The following WWC2 variants were observed in gnomAD, a reference collection of about 807,000 sequenced individuals.
The protein encoded by WWC2 is WW and C2 domain containing 2, also known as protein WWC2.
Under a neutral mutation model 138.5 loss-of-function variants are expected in WWC2, and 101 were observed. The observed-to-expected ratio is 0.73, with a 90% CI of 0.62 to 0.86. The LOEUF (loss-of-function observed/expected upper bound fraction) is 0.86. Ranked by LOEUF, WWC2 falls within the 40% of genes least tolerant of loss-of-function variation. The pLI, the probability that WWC2 is intolerant of heterozygous loss-of-function variation, is 0.00. For missense variants in WWC2, 1,420 were observed against 1,419.4 expected (o/e 1.00, Z -0.01); for synonymous variants, 558 against 538.4 (o/e 1.04, Z -0.50).
At chr4:183,105,336 G>T (rs191815923) in intron 1 of WWC2, among the ~76,000 whole-genome samples, 1 of 152,206 alleles carries the variant, frequency 6.6e-6, no homozygotes, top group Admixed American at 6.5e-5. Context: ...GAAGTTGTCT[G>T]TTGGCCCACA....
chr4:183,114,359 T>A (rs1732344700), intron 1 of WWC2, among the ~76,000 whole-genome samples: 1 of 152,162 alleles, frequency 6.6e-6, no homozygotes, highest in Non-Finnish European at 1.5e-5. Flanking sequence ...CTCTTTTCCT[T>A]ATAAATTACC....
intron 1 of WWC2, among the ~76,000 whole-genome samples, chr4:183,130,541 C>A (rs1308343524): frequency 1.3e-5 from 2 of 152,150 alleles, no homozygotes; most frequent in Non-Finnish European, 2.9e-5. Flanking sequence ...GTACTTGATT[C>A]TTTGGTACCT....
chr4:183,279,831 A>AT (rs1388811145), intron 16 of WWC2, among the ~76,000 whole-genome samples: 3 of 151,602 alleles, frequency 2.0e-5, no homozygotes, highest in Admixed American at 2.0e-4. Flanking sequence ...TTTTTCTTTG[A>AT]TTTTTCAGCA....
At chr4:183,282,340 T>G (rs1738102173) in intron 17 of WWC2, among the ~76,000 whole-genome samples, 1 of 152,232 alleles carries the variant, frequency 6.6e-6, no homozygotes, top group African/African-American at 2.4e-5. Context: ...TGTCATATGA[T>G]TAATTTTACA....
intron 2 of WWC2, chr4:183,203,622 G>C (rs950726708): frequency 1.3e-5 from 2 of 151,984 alleles, no homozygotes; most frequent in African/African-American, 2.4e-5. Flanking sequence ...TGACATCAAG[G>C]GCTTAAAATC....
intron 5 of WWC2, among the ~76,000 whole-genome samples, chr4:183,245,004 C>G (rs916906019): frequency 1.3e-4 from 19 of 151,958 alleles, no homozygotes; most frequent in African/African-American, 4.4e-4. Flanking sequence ...GGGGCTGAGA[C>G]GTGCGGATCA....
intron 1 of WWC2, among the ~76,000 whole-genome samples, chr4:183,175,367 T>A (rs1416929243): frequency 1.3e-5 from 2 of 152,144 alleles, no homozygotes; most frequent in Admixed American, 1.3e-4. Context: ...GCTCAGGTGA[T>A]CCTCCCACCT....
chr4:183,292,811 G>C (rs540341538), intron 21 of WWC2, among the ~76,000 whole-genome samples: 18 of 152,218 alleles, frequency 1.2e-4, no homozygotes, highest in African/African-American at 4.1e-4. Flanking sequence ...TCTATCAAAA[G>C]GAAAATCGCA....
chr4:183,146,630 T>C (rs1313778860), intron 1 of WWC2, among the ~76,000 whole-genome samples: 1 of 152,186 alleles, frequency 6.6e-6, no homozygotes, highest in Non-Finnish European at 1.5e-5. Context: ...GGCCTGCTCA[T>C]GTGCGCAGCG....
chr4:183,278,659 A>G (rs1173158503), intron 16 of WWC2, among the ~76,000 whole-genome samples: 1 of 152,016 alleles, frequency 6.6e-6, no homozygotes, highest in African/African-American at 2.4e-5. Flanking sequence ...TTCCTTGAGC[A>G]GTGGTTTGTA....
intron 8 of WWC2, 130 bp from the exon 9 acceptor site, chr4:183,253,627 C>A: frequency 1.8e-6 from 2 of 1,110,294 alleles, no homozygotes; most frequent in Non-Finnish European, 2.5e-6. Flanking sequence ...CAGTAGACCA[C>A]ACCTCTTTCT....
At chr4:183,197,498 A>G (rs996468013) in intron 2 of WWC2, among the ~76,000 whole-genome samples, 26 of 152,260 alleles carry the variant, frequency 1.7e-4, no homozygotes, top group Non-Finnish European at 4.4e-5. Flanking sequence ...AAGAAACACT[A>G]TTGAATATTT....
intron 2 of WWC2, among the ~76,000 whole-genome samples, chr4:183,202,639 T>C (rs1735333777): frequency 6.6e-6 from 1 of 152,128 alleles, no homozygotes; most frequent in African/African-American, 2.4e-5. Context: ...TACAAGTCTC[T>C]TTTTTCTCCG....
At chr4:183,130,206 CCA>C (rs757866870) in intron 1 of WWC2, among the ~76,000 whole-genome samples, 79 of 152,168 alleles carry the variant, frequency 5.2e-4, no homozygotes, top group Middle Eastern at 3.4e-3. Flanking sequence ...GCGCCCGCCA[CCA>C]CGCCCTGCTA....
rs1368266986 is a variant in WWC2 at position 183,319,002 on chromosome 4, G to C, written c.*3273G>C. 1 of 152,846 alleles carries C rather than the reference G, an allele frequency of 6.5e-6. No individual in the cohort carries two copies. The highest frequency in any genetic ancestry group is 6.5e-5 in the Admixed American group (1 of 15,368). The allele number at this position is 152,846 out of a possible 1,614,324, so 9.5% of individuals were successfully genotyped here. On this transcript the variant is annotated 3_prime_UTR_variant, in exon 23 of 23. Transcript: ENST00000403733. ...CCTCCTGCCTCTGACAGTATAGAAG[G>C]CGTGACTGAATGTGGCTGCCTTTTG...
chr4:183,128,769 C>T (rs1021149611), intron 1 of WWC2, among the ~76,000 whole-genome samples: 1 of 152,182 alleles, frequency 6.6e-6, no homozygotes, highest in African/African-American at 2.4e-5. Context: ...TGTCCTTGTC[C>T]TCCAACTGTT....
intron 1 of WWC2, among the ~76,000 whole-genome samples, chr4:183,114,679 T>TC (rs1732355590): frequency 6.6e-6 from 1 of 151,874 alleles, no homozygotes; most frequent in Non-Finnish European, 1.5e-5. Context: ...TTTTTTTTTT[T>TC]CTTCCAACGT....
At chr4:183,127,474 C>G (rs773364461) in intron 1 of WWC2, among the ~76,000 whole-genome samples, 10 of 152,034 alleles carry the variant, frequency 6.6e-5, no homozygotes, top group Non-Finnish European at 1.3e-4. Flanking sequence ...CAGTGGTTAT[C>G]AAGGATGAAC....
chr4:183,244,148 C>A lies in WWC2; in HGVS notation c.603-1268C>A, dbSNP rs140275729. 7.2e-5 allele frequency among the ~76,000 whole-genome samples: 11 copies of A among 152,170 alleles called. No individual in the cohort carries two copies. In the East Asian group the frequency reaches 1.5e-3, roughly 21 times the overall value. On this transcript the variant is annotated intron_variant, in intron 5 of 22. Coordinates refer to ENST00000403733, the MANE Select transcript of WWC2 (RefSeq NM_024949.6). ...ACTCTGGATAAAACCAAAAATATGT[C>A]TAAGAACGTGTATAGAGTTGTTGGG... is the stretch of plus-strand genomic sequence containing the variant.
Sources: allele counts gnomAD v4.1 joint callset (sites outside exome capture counted in the v4.1 genomes callset), GRCh38; gene constraint gnomAD v4.1.1; transcripts MANE v1.5; gene names NCBI Gene and HGNC (gene_info 2026-07-23, HGNC 2026-07-21).